Variants in IQCB1 observed in about 807,000 individuals in gnomAD.
The protein encoded by IQCB1 is IQ calmodulin-binding motif-containing protein 1.
In IQCB1, 56 loss-of-function variants were observed where a neutral mutation model predicts 84.4. That is an observed-to-expected ratio of 0.66 (90% CI 0.54 to 0.83). The LOEUF (loss-of-function observed/expected upper bound fraction) is 0.83. Among genes scored for constraint, IQCB1 ranks in the 40% least tolerant of loss-of-function variants. The pLI, the probability that IQCB1 is intolerant of heterozygous loss-of-function variation, is 0.00. For synonymous variants in IQCB1, 210 were observed against 234.8 expected (o/e 0.89, Z 0.96); for missense variants, 629 against 682.1 (o/e 0.92, Z 0.87).
At position 121,831,074 on chromosome 3, in the gene IQCB1, G is replaced by A. The variant is rs558983359; in HGVS notation, c.-12-2102C>T. ...GAGCTACTGGATAGCTGAACATGTGGAAGTTCCTGGAGGAATTTCCTGGAT... is the reference window on the plus strand; with the variant it reads ...GAGCTACTGGATAGCTGAACATGTGAAAGTTCCTGGAGGAATTTCCTGGAT... On this transcript the variant is annotated intron_variant, in intron 2 of 14. Coordinates refer to ENST00000310864, the MANE Select transcript of IQCB1 (RefSeq NM_001023570.4). Among the ~76,000 whole-genome samples, 7 of 152,324 alleles carry A rather than the reference G, an allele frequency of 4.6e-5. No homozygotes were observed. In the South Asian group the frequency reaches 1.2e-3, roughly 27 times the overall value.
chr3:121,805,888 C>CTA (rs1249012622), intron 7 of IQCB1, among the ~76,000 whole-genome samples: 1 of 152,110 alleles, frequency 6.6e-6, no homozygotes, highest in Non-Finnish European at 1.5e-5. Flanking sequence ...CTTGTGAACT[C>CTA]TAGTTATCTT....
chr3:121,830,216 A>ATAATAT (rs1304499815), intron 2 of IQCB1, among the ~76,000 whole-genome samples: 6 of 150,396 alleles, frequency 4.0e-5, no homozygotes, highest in African/African-American at 7.3e-5. Flanking sequence ...AATAATAATA[A>ATAATAT]TAATAATTAA....
chr3:121,825,061 CTTTT>C lies in IQCB1; in HGVS notation c.393+986_393+989del, dbSNP rs1553721684. ...CAAAACAAAGGTTTCTTTTTCTTTT[CTTTT>C]TTTTTTTTTTTTCAGATGGAGTTTT... is the stretch of plus-strand genomic sequence containing the variant. On this transcript the variant is annotated intron_variant, in intron 5 of 14. Coordinates refer to ENST00000310864, the MANE Select transcript of IQCB1 (RefSeq NM_001023570.4). 7.2e-4 allele frequency among the ~76,000 whole-genome samples: 60 copies of C among 83,744 alleles called. 1 individual carries two copies. Among genetic ancestry groups the C allele is most frequent in the African/African-American group, 2.5e-3 (56 of 22,618 alleles). 54.9% of individuals were successfully genotyped at this position (83,744 alleles called of 152,430 possible).
chr3:121,771,667 C>T (rs1947999100), intron 14 of IQCB1, among the ~76,000 whole-genome samples: 3 of 152,248 alleles, frequency 2.0e-5, no homozygotes. Flanking sequence ...AATAGAACCT[C>T]ATCCTATAGA....
chr3:121,828,677 T>A (rs903634766), intron 3 of IQCB1, 45 bp from the exon 4 acceptor site: 10 of 1,355,544 alleles, frequency 7.4e-6, no homozygotes, highest in South Asian at 1.2e-5. Flanking sequence ...GCTTAATACA[T>A]CCAGGAGCTA....
At chr3:121,784,763 C>A (rs1948639742) in intron 12 of IQCB1, among the ~76,000 whole-genome samples, 2 of 152,090 alleles carry the variant, frequency 1.3e-5, no homozygotes, top group South Asian at 4.1e-4. Flanking sequence ...CTCACTGCAG[C>A]CTCAACCTCC....
At chr3:121,780,883 T>TGTGTGAGA (rs34302377) in intron 13 of IQCB1, among the ~76,000 whole-genome samples, 49 of 148,900 alleles carry the variant, frequency 3.3e-4, no homozygotes, top group African/African-American at 1.2e-3. Context: ...TGTGTGTGTG[T>TGTGTGAGA]GAGAGAGAGA....
chr3:121,792,081 G>A (rs1051372672), intron 10 of IQCB1, among the ~76,000 whole-genome samples: 2 of 152,020 alleles, frequency 1.3e-5, no homozygotes, highest in Non-Finnish European at 2.9e-5. Context: ...GTGAGACTCC[G>A]CCTCAAAACA....
intron 7 of IQCB1, among the ~76,000 whole-genome samples, chr3:121,801,999 G>A (rs375148750): frequency 4.0e-5 from 6 of 151,574 alleles, no homozygotes; most frequent in African/African-American, 9.7e-5. Context: ...TATTCATGAC[G>A]TATTAACTTT....
intron 13 of IQCB1, among the ~76,000 whole-genome samples, chr3:121,777,912 T>C (rs1290538301): frequency 6.8e-6 from 1 of 147,490 alleles, no homozygotes; most frequent in East Asian, 1.9e-4. Context: ...CTTGCCCACT[T>C]TTTTTTTTTT....
intron 8 of IQCB1, among the ~76,000 whole-genome samples, chr3:121,798,698 T>C (rs1203446550): frequency 6.6e-6 from 1 of 151,954 alleles, no homozygotes; most frequent in Non-Finnish European, 1.5e-5. Context: ...CGCTTACTCC[T>C]TTTATCCTCA....
At chr3:121,784,201 T>A (rs1046379025) in intron 12 of IQCB1, among the ~76,000 whole-genome samples, 2 of 151,586 alleles carry the variant, frequency 1.3e-5, no homozygotes, top group African/African-American at 2.4e-5. Context: ...TTTTTTTTTT[T>A]AATTAAAGAT....
At chr3:121,788,690 TAC>T (rs1265549815) in intron 11 of IQCB1, among the ~76,000 whole-genome samples, 2 of 136,588 alleles carry the variant, frequency 1.5e-5, no homozygotes, top group Non-Finnish European at 3.2e-5. Flanking sequence ...GAAAATCCAA[TAC>T]AAAGAACACT....
chr3:121,810,874 AT>A (rs1302970717), intron 5 of IQCB1, among the ~76,000 whole-genome samples: 3 of 152,188 alleles, frequency 2.0e-5, no homozygotes, highest in African/African-American at 4.8e-5. Context: ...TCTAGCAAAT[AT>A]TTATTTAGTG....
intron 9 of IQCB1, among the ~76,000 whole-genome samples, chr3:121,796,519 A>G (rs1949199869): frequency 6.6e-6 from 1 of 152,152 alleles, no homozygotes; most frequent in South Asian, 2.1e-4. Flanking sequence ...TGATGAAATA[A>G]TCAATAACTT....
At chr3:121,807,938 G>A (rs926969870) in intron 6 of IQCB1, among the ~76,000 whole-genome samples, 5 of 151,880 alleles carry the variant, frequency 3.3e-5, no homozygotes, top group Non-Finnish European at 4.4e-5. Context: ...TAAGCTCTGA[G>A]CAGCCAGTTA....
chr3:121,773,282 C>T (rs1039775432), intron 13 of IQCB1, among the ~76,000 whole-genome samples: 1 of 144,416 alleles, frequency 6.9e-6, no homozygotes, highest in Non-Finnish European at 1.5e-5. Context: ...CCATTGCTCT[C>T]CAGCCTAGGC....
intron 5 of IQCB1, among the ~76,000 whole-genome samples, chr3:121,824,181 G>A (rs538380464): frequency 9.9e-5 from 15 of 152,262 alleles, no homozygotes; most frequent in African/African-American, 3.4e-4. Context: ...CATATTCCAA[G>A]ACCCCCAGTG....
chr3:121,790,244 A>G, intron 10 of IQCB1, 29 bp from the exon 11 acceptor site: 1 of 1,604,964 alleles, frequency 6.2e-7, no homozygotes, highest in African/African-American at 1.3e-5. Context: ...GTTATACATA[A>G]TTTTCATAAA....
Sources: allele counts gnomAD v4.1 joint callset (sites outside exome capture counted in the v4.1 genomes callset), GRCh38; gene constraint gnomAD v4.1.1; transcripts MANE v1.5; gene names NCBI Gene and HGNC (gene_info 2026-07-23, HGNC 2026-07-21).